The following GGNBP2 variants were observed in gnomAD, a reference collection of about 807,000 sequenced individuals.
The protein encoded by GGNBP2 is gametogenetin-binding protein 2.
A neutral mutation model predicts 85.9 loss-of-function variants in GGNBP2; 10 were observed. That is an observed-to-expected ratio of 0.12 (90% CI 0.07 to 0.20). GGNBP2 has a LOEUF of 0.20. Ranked by LOEUF, GGNBP2 falls within the 10% of genes least tolerant of loss-of-function variation. GGNBP2 has a pLI of 1.00. For missense variants in GGNBP2, 595 were observed against 857.8 expected (o/e 0.69, Z 3.83); for synonymous variants, 287 against 285.7 (o/e 1.00, Z -0.05).
intron 3 of GGNBP2, among the ~76,000 whole-genome samples, chr17:36,556,228 G>A (rs889347335): frequency 7.9e-5 from 12 of 152,168 alleles, no homozygotes; most frequent in African/African-American, 2.9e-4. Flanking sequence ...ATAAGCAGCA[G>A]CATGCTAGTT....
chr17:36,584,349 T>A (rs1012848784), intron 9 of GGNBP2, among the ~76,000 whole-genome samples: 2 of 152,214 alleles, frequency 1.3e-5, no homozygotes, highest in African/African-American at 4.8e-5. Flanking sequence ...CATACTTTTT[T>A]TTTTTTGAGA....
intron 2 of GGNBP2, among the ~76,000 whole-genome samples, chr17:36,549,322 C>T (rs2074286494): frequency 1.3e-5 from 2 of 152,100 alleles, no homozygotes; most frequent in South Asian, 2.1e-4. Context: ...CCTGCCTCAG[C>T]CTCCTGAGTA....
At chr17:36,574,834 G>GGGACAA in intron 6 of GGNBP2, 1 of 688,096 alleles carries the variant, frequency 1.5e-6, no homozygotes, top group Non-Finnish European at 2.6e-6. Context: ...TGTTCCCCCA[G>GGGACAA]TAGCCTCTGT....
rs978176299 is a variant in GGNBP2, at chr17:36,589,531, T to A, written c.*120T>A. 1.4e-5 allele frequency: 10 copies of A among 721,718 alleles called. No individual in the cohort carries two copies. The Admixed American group carries it at 1.8e-4, about 13-fold the overall frequency. 44.7% of individuals were successfully genotyped at this position (721,718 alleles called of 1,614,324 possible). A position where few individuals can be genotyped will look rare whatever the true frequency, so the allele number is the denominator to read the frequency against. On this transcript the variant is annotated 3_prime_UTR_variant, in exon 14 of 14. Transcript: ENST00000613102. ...ATTTTATCTTAAATCAATGTGATTC[T>A]TTCTTGTTTTGGGAGACGGTGGAGG... is the stretch of plus-strand genomic sequence containing the variant.
chr17:36,573,154 C>T (rs1246375388), intron 6 of GGNBP2, among the ~76,000 whole-genome samples: 1 of 151,974 alleles, frequency 6.6e-6, no homozygotes, highest in Non-Finnish European at 1.5e-5. Context: ...GCTCTGTTGC[C>T]CAGGCAGGGG....
intron 3 of GGNBP2, 37 bp from the exon 4 acceptor site, chr17:36,557,046 T>A: frequency 1.9e-6 from 3 of 1,611,664 alleles, no homozygotes; most frequent in Non-Finnish European, 2.5e-6. Flanking sequence ...TTACGTCTTT[T>A]TAAAGGACAC....
chr17:36,553,609 C>T (rs1374783921), intron 2 of GGNBP2, among the ~76,000 whole-genome samples: 1 of 152,170 alleles, frequency 6.6e-6, no homozygotes, highest in African/African-American at 2.4e-5. Context: ...CTCTTGACTT[C>T]ACTCTTTGAT....
intron 6 of GGNBP2, among the ~76,000 whole-genome samples, chr17:36,575,637 TATATA>T (rs1242709987): frequency 1.5e-4 from 11 of 73,954 alleles, no homozygotes; most frequent in African/African-American, 5.3e-4. Context: ...TATATATATA[TATATA>T]TATATATTTT....
intron 2 of GGNBP2, chr17:36,547,086 A>G (rs909894113): frequency 3.9e-5 from 6 of 152,238 alleles, no homozygotes; most frequent in African/African-American, 1.4e-4. Context: ...TTGTTCTGAC[A>G]TAAAGTAAAT....
In GGNBP2 at chr17:36,589,443, C is replaced by T. The variant is rs952385864; in HGVS notation, c.*32C>T. The T allele has an allele frequency of 3.3e-6, 5 of 1,527,566 alleles. No homozygotes were observed. The highest frequency in any genetic ancestry group is 4.5e-6 in the Non-Finnish European group (5 of 1,105,288). The allele number at this position is 1,527,566 out of a possible 1,614,324, so 94.6% of individuals were successfully genotyped here. A position where few individuals can be genotyped will look rare whatever the true frequency, so the allele number is the denominator to read the frequency against. Reference sequence around the variant, plus strand: ...AAAATAGCTCTGTCTTTCAATGAAACACTCACGATGACTACTGCGCCTTCT... The same window carrying T: ...AAAATAGCTCTGTCTTTCAATGAAATACTCACGATGACTACTGCGCCTTCT... On this transcript the variant is annotated 3_prime_UTR_variant, in exon 14 of 14. Transcript: ENST00000613102.
rs554450302 is a variant in GGNBP2 at position 36,588,264 on chromosome 17, T to C, written c.1891-944T>C. ...CCTTCGGAATACTAGCTTTTTTCTT[T>C]TTCTTTTTTTTGAGGTGGAGTTTTG... On this transcript the variant is annotated intron_variant, in intron 13 of 13. Transcript: ENST00000613102. Among the ~76,000 whole-genome samples the C allele has an allele frequency of 5.3e-5, 8 of 152,254 alleles. No individual in the cohort carries two copies. The South Asian group carries it at 1.2e-3, about 24-fold the overall frequency.
At chr17:36,561,271 G>A (rs1368284672) in intron 5 of GGNBP2, among the ~76,000 whole-genome samples, 7 of 152,012 alleles carry the variant, frequency 4.6e-5, no homozygotes, top group South Asian at 2.1e-4. Context: ...CTACAGGTGC[G>A]TGCCACCACA....
At chr17:36,545,499 A>C (rs2074242013) in intron 1 of GGNBP2, 120 bp from the exon 2 acceptor site, 1 of 444,654 alleles carries the variant, frequency 2.2e-6, no homozygotes, top group Non-Finnish European at 4.0e-6. Flanking sequence ...CGTGTGTGGA[A>C]TCGGGTGATG....
At chr17:36,549,131 G>A (rs184570953) in intron 2 of GGNBP2, among the ~76,000 whole-genome samples, 315 of 152,236 alleles carry the variant, frequency 2.1e-3, no homozygotes, top group Non-Finnish European at 3.7e-3. Context: ...TGGCTAAAAT[G>A]TTGTTCAGTG....
chr17:36,579,594 G>A (rs1437073937), intron 8 of GGNBP2, among the ~76,000 whole-genome samples, 175 bp downstream of exon 8: 1 of 152,110 alleles, frequency 6.6e-6, no homozygotes, highest in East Asian at 1.9e-4. Context: ...TAGGGAACTG[G>A]GATTTAGAAG....
chr17:36,561,514 T>C (rs1435900837), intron 5 of GGNBP2, among the ~76,000 whole-genome samples: 2 of 152,240 alleles, frequency 1.3e-5, no homozygotes, highest in Non-Finnish European at 2.9e-5. Context: ...TCATAATGTA[T>C]AAATTATTTA....
At chr17:36,581,313 A>G (rs759149551) in intron 8 of GGNBP2, 31 bp from the exon 9 acceptor site, 2 of 1,437,812 alleles carry the variant, frequency 1.4e-6, no homozygotes, top group Admixed American at 2.2e-5. Context: ...GTTCTGACCA[A>G]TATTCACCCT....
chr17:36,547,779 G>C (rs140847371), intron 2 of GGNBP2: 2 of 152,204 alleles, frequency 1.3e-5, no homozygotes, highest in African/African-American at 4.8e-5. Context: ...TTTAGGAAAA[G>C]GTGCAGTTTT....
rs369448179 is a variant in GGNBP2 at position 36,571,953 on chromosome 17, G to C, written c.641+4177G>C. Among the ~76,000 whole-genome samples, 29 of 152,206 alleles carry C rather than the reference G, an allele frequency of 1.9e-4. No homozygotes were observed. In the East Asian group the frequency reaches 4.8e-3, roughly 25 times the overall value. On this transcript the variant is annotated intron_variant, in intron 6 of 13. Coordinates refer to ENST00000613102, the MANE Select transcript of GGNBP2 (RefSeq NM_024835.5). ...AGTTTCATCTACTCGGGAGGCTGAGGTGGGAGGATCACTTGAGCCCAGGAA... is the reference window on the plus strand; with the variant it reads ...AGTTTCATCTACTCGGGAGGCTGAGCTGGGAGGATCACTTGAGCCCAGGAA...
Sources: allele counts gnomAD v4.1 joint callset (sites outside exome capture counted in the v4.1 genomes callset), GRCh38; gene constraint gnomAD v4.1.1; transcripts MANE v1.5; gene names NCBI Gene and HGNC (gene_info 2026-07-23, HGNC 2026-07-21).